TMEM45A: variants seen among roughly 807,000 people sequenced by gnomAD.
The protein encoded by TMEM45A is DNA polymerase-transactivated protein 4.
A neutral mutation model predicts 32.0 loss-of-function variants in TMEM45A; 25 were observed. That is an observed-to-expected ratio of 0.78 (90% CI 0.57 to 1.09). The LOEUF is 1.09. Ranked by LOEUF, TMEM45A falls within the 50% of genes least tolerant of loss-of-function variation. The probability of loss-of-function intolerance (pLI) is 0.00; values close to 1 mark genes in which losing one functional copy is unlikely to be tolerated. For synonymous variants in TMEM45A, 122 were observed against 114.8 expected (o/e 1.06, Z -0.40); for missense variants, 302 against 325.0 (o/e 0.93, Z 0.54).
intron 5 of TMEM45A, chr3:100,572,979 T>G (rs1277997361): frequency 6.6e-6 from 1 of 151,870 alleles, no homozygotes; most frequent in African/African-American, 2.4e-5. Flanking sequence ...TTGGTACCAG[T>G]ACCATGCTGT....
At chr3:100,561,172 C>A (rs139532062) in intron 4 of TMEM45A, among the ~76,000 whole-genome samples, 2 of 152,118 alleles carry the variant, frequency 1.3e-5, no homozygotes, top group Non-Finnish European at 2.9e-5. Flanking sequence ...CCCTCTGAAA[C>A]AAAACTGTCT....
chr3:100,555,096 G>A (rs1382669724), intron 1 of TMEM45A, 113 bp from the exon 2 acceptor site: 15 of 919,446 alleles, frequency 1.6e-5, no homozygotes, highest in Non-Finnish European at 2.5e-5. Context: ...ATCATCCTCA[G>A]TGATGTATCC....
intron 1 of TMEM45A, among the ~76,000 whole-genome samples, chr3:100,502,921 G>T (rs1708024843): frequency 6.6e-6 from 1 of 152,126 alleles, no homozygotes; most frequent in South Asian, 2.1e-4. Flanking sequence ...GAGTAAAAAA[G>T]GTTGTGTAGA....
chr3:100,534,920 G>T (rs1705713897), intron 1 of TMEM45A, among the ~76,000 whole-genome samples: 1 of 151,820 alleles, frequency 6.6e-6, no homozygotes, highest in Non-Finnish European at 1.5e-5. Flanking sequence ...ACACCTCACA[G>T]ATGCACTCCC....
At chr3:100,573,637 T>C (rs1464608651) in intron 5 of TMEM45A, 5 of 152,106 alleles carry the variant, frequency 3.3e-5, no homozygotes, top group African/African-American at 1.2e-4. Flanking sequence ...TCCAACACTA[T>C]GTTGAATAGG....
chr3:100,503,164 G>A (rs1035618990), intron 1 of TMEM45A, among the ~76,000 whole-genome samples: 7 of 152,034 alleles, frequency 4.6e-5, no homozygotes, highest in Non-Finnish European at 1.0e-4. Flanking sequence ...GGAGTACAGT[G>A]GCACAATCTT....
chr3:100,569,117 C>CA, intron 5 of TMEM45A, 150 bp downstream of exon 5: 2 of 805,012 alleles, frequency 2.5e-6, no homozygotes, highest in Non-Finnish European at 3.8e-6. Context: ...TCTGCAAACA[C>CA]AAAAATTCCC....
At chr3:100,526,960 C>T (rs149316532) in intron 1 of TMEM45A, among the ~76,000 whole-genome samples, 2,757 of 152,148 alleles carry the variant, frequency 0.018, 82 homozygotes, top group Admixed American at 0.084. Flanking sequence ...TGGATGAAGA[C>T]GTAAAAATCT....
intron 1 of TMEM45A, among the ~76,000 whole-genome samples, chr3:100,554,070 G>A (rs972119416): frequency 3.3e-5 from 5 of 152,072 alleles, no homozygotes; most frequent in African/African-American, 1.2e-4. Flanking sequence ...CTGGCCTAGT[G>A]TCAGATCCAC....
intron 1 of TMEM45A, among the ~76,000 whole-genome samples, chr3:100,549,758 C>G (rs1003561006): frequency 1.9e-4 from 29 of 151,896 alleles, no homozygotes; most frequent in Non-Finnish European, 1.0e-4. Context: ...GTGATATTCC[C>G]CTTCCTGTGT....
At chr3:100,523,935 T>C (rs1406978018) in intron 1 of TMEM45A, among the ~76,000 whole-genome samples, 1 of 152,218 alleles carries the variant, frequency 6.6e-6, no homozygotes, top group East Asian at 1.9e-4. Context: ...GAGCGGAACT[T>C]CAAGTGCCAC....
At chr3:100,546,878 G>A (rs950046718) in intron 1 of TMEM45A, among the ~76,000 whole-genome samples, 1 of 152,118 alleles carries the variant, frequency 6.6e-6, no homozygotes, top group Non-Finnish European at 1.5e-5. Flanking sequence ...TCTGGTCTTC[G>A]TTAACTCTGT....
At chr3:100,527,356 T>A (rs1705565618) in intron 1 of TMEM45A, among the ~76,000 whole-genome samples, 1 of 152,212 alleles carries the variant, frequency 6.6e-6, no homozygotes, top group Non-Finnish European at 1.5e-5. Context: ...AAAAATCTGT[T>A]CAAAGGAACA....
chr3:100,524,688 C>G (rs7426815), intron 1 of TMEM45A, among the ~76,000 whole-genome samples: 51,334 of 152,044 alleles, frequency 0.34, 10,552 homozygotes, highest in African/African-American at 0.55. Flanking sequence ...CTTTCCTATG[C>G]GCAGGAGACT....
intron 1 of TMEM45A, among the ~76,000 whole-genome samples, chr3:100,512,725 T>C (rs1257721946): frequency 2.7e-5 from 4 of 150,574 alleles, no homozygotes; most frequent in Non-Finnish European, 5.9e-5. Flanking sequence ...GATAGACCAC[T>C]AGCAAGACTA....
At chr3:100,574,872 G>T (rs552309274) in intron 5 of TMEM45A, among the ~76,000 whole-genome samples, 80 of 152,156 alleles carry the variant, frequency 5.3e-4, no homozygotes, top group African/African-American at 1.9e-3. Context: ...CAATTTTACT[G>T]TCATATTGTT....
At chr3:100,515,204 A>G (rs930369157) in intron 1 of TMEM45A, among the ~76,000 whole-genome samples, 2 of 152,154 alleles carry the variant, frequency 1.3e-5, no homozygotes, top group African/African-American at 4.8e-5. Flanking sequence ...ATTATTCTCC[A>G]ATAGCAAAGA....
At chr3:100,576,506 G>A (rs1706689505) in intron 5 of TMEM45A, among the ~76,000 whole-genome samples, 1 of 151,954 alleles carries the variant, frequency 6.6e-6, no homozygotes, top group African/African-American at 2.4e-5. Context: ...TCTAATTCCA[G>A]CTACTCAGGA....
intron 1 of TMEM45A, among the ~76,000 whole-genome samples, chr3:100,507,708 C>A (rs1350508351): frequency 6.6e-6 from 1 of 151,966 alleles, no homozygotes; most frequent in African/African-American, 2.4e-5. Context: ...ATGGCGAGAA[C>A]AATTCACTTA....
Sources: allele counts gnomAD v4.1 joint callset (sites outside exome capture counted in the v4.1 genomes callset), GRCh38; gene constraint gnomAD v4.1.1; transcripts MANE v1.5; gene names NCBI Gene and HGNC (gene_info 2026-07-23, HGNC 2026-07-21).